The following SPAG6 variants were observed in gnomAD, a reference collection of about 807,000 sequenced individuals.
SPAG6 encodes sperm-associated antigen 6.
A neutral mutation model predicts 58.5 loss-of-function variants in SPAG6; 49 were observed. That is an observed-to-expected ratio of 0.84 (90% CI 0.67 to 1.06). SPAG6 has a LOEUF of 1.06. Ranked by LOEUF, SPAG6 falls within the 50% of genes least tolerant of loss-of-function variation. SPAG6 has a pLI of 0.00. For missense variants in SPAG6, 560 were observed against 611.3 expected, an observed-to-expected ratio of 0.92 and a Z score of 0.89; for synonymous variants, 233 against 225.6, an observed-to-expected ratio of 1.03 and a Z score of -0.29.
At chr10:22,355,103 T>C (rs1201796464) in intron 2 of SPAG6, among the ~76,000 whole-genome samples, 1 of 152,074 alleles carries the variant, frequency 6.6e-6, no homozygotes, top group Admixed American at 6.5e-5. Flanking sequence ...GTAGAAATAA[T>C]GTGAATTCAA....
intron 2 of SPAG6, among the ~76,000 whole-genome samples, chr10:22,361,926 A>G (rs1161931588): frequency 6.7e-6 from 1 of 150,242 alleles, no homozygotes; most frequent in African/African-American, 2.4e-5. Context: ...ATAATTCAAT[A>G]TGAAAAATTT....
intron 6 of SPAG6, among the ~76,000 whole-genome samples, chr10:22,388,204 C>G (rs1024996790): frequency 4.0e-5 from 6 of 151,498 alleles, no homozygotes; most frequent in African/African-American, 1.5e-4. Context: ...TAGCAGGATC[C>G]CTAACCTCTG....
intron 9 of SPAG6, among the ~76,000 whole-genome samples, chr10:22,409,386 C>A (rs538080091): frequency 1.3e-5 from 2 of 152,138 alleles, no homozygotes; most frequent in African/African-American, 2.4e-5. Context: ...GCTCTATTAG[C>A]AAGATCCTTT....
At chr10:22,405,058 G>C (rs1470929088) in intron 9 of SPAG6, among the ~76,000 whole-genome samples, 2 of 152,182 alleles carry the variant, frequency 1.3e-5, no homozygotes, top group Non-Finnish European at 2.9e-5. Context: ...GGGTTTTCTA[G>C]ATATACAATC....
chr10:22,351,374 A>T (rs1836723561), intron 2 of SPAG6, among the ~76,000 whole-genome samples: 1 of 152,174 alleles, frequency 6.6e-6, no homozygotes. Flanking sequence ...TTTGTAATCC[A>T]CTGGAAGTTG....
At chr10:22,387,027 C>T (rs558218991) in intron 5 of SPAG6, 68 bp downstream of exon 5, 248 of 1,182,820 alleles carry the variant, frequency 2.1e-4, no homozygotes, top group Admixed American at 4.0e-4. Flanking sequence ...AATGTGTACA[C>T]GTGAATATTT....
Position 22,346,083 on chromosome 10 carries a change from G to T in SPAG6, c.121+265G>T, listed in dbSNP as rs1308531064. The T allele has an allele frequency of 2.0e-6, 3 of 1,506,770 alleles. No homozygotes were observed. In the South Asian group the frequency reaches 3.6e-5, roughly 18 times the overall value. The allele number at this position is 1,506,770 out of a possible 1,614,324, so 93.3% of individuals were successfully genotyped here. On this transcript the variant is annotated intron_variant, in intron 2 of 10. Transcript: ENST00000376624. ...GTTGAAAGTCGAGGCCCTAGGAATTGCCTGGAGTCATTTTACGTGAATGGG... is the reference window on the plus strand; with the variant it reads ...GTTGAAAGTCGAGGCCCTAGGAATTTCCTGGAGTCATTTTACGTGAATGGG...
In SPAG6 at chr10:22,362,999, T is replaced by C. The variant is rs1421306777; in HGVS notation, c.122-1854T>C. 2.0e-5 allele frequency among the ~76,000 whole-genome samples: 3 copies of C among 152,294 alleles called. No homozygotes were observed. In the East Asian group the frequency reaches 5.8e-4, roughly 29 times the overall value. On this transcript the variant is annotated intron_variant, in intron 2 of 10. Coordinates refer to ENST00000376624, the MANE Select transcript of SPAG6 (RefSeq NM_012443.4). ...AAATTGGAAAATTACAAGTGCTGGT[T>C]AGGATGTGGAAAAATTGGAATCCTC...
chr10:22,372,469 CT>C (rs1833721685), intron 4 of SPAG6, among the ~76,000 whole-genome samples: 1 of 152,172 alleles, frequency 6.6e-6, no homozygotes, highest in East Asian at 1.9e-4. Flanking sequence ...GCTTCCTCAG[CT>C]GATGGCTCAG....
chr10:22,366,930 A>G (rs1837216798), intron 3 of SPAG6, among the ~76,000 whole-genome samples: 1 of 150,704 alleles, frequency 6.6e-6, no homozygotes, highest in East Asian at 1.9e-4. Context: ...TGTCTCCCTC[A>G]CCTCCCAGCC....
chr10:22,366,361 TC>T (rs1837201900), intron 3 of SPAG6, among the ~76,000 whole-genome samples: 1 of 152,044 alleles, frequency 6.6e-6, no homozygotes, highest in Admixed American at 6.6e-5. Context: ...AATATGTAAA[TC>T]CATAGAGACA....
intron 9 of SPAG6, among the ~76,000 whole-genome samples, chr10:22,402,790 A>C (rs1834446076): frequency 6.6e-6 from 1 of 152,194 alleles, no homozygotes; most frequent in Non-Finnish European, 1.5e-5. Flanking sequence ...TTTTTTGTAT[A>C]CTTTTGGGTG....
intron 2 of SPAG6, chr10:22,360,796 C>A: frequency 6.5e-7 from 1 of 1,533,836 alleles, no homozygotes; most frequent in Non-Finnish European, 8.7e-7. Context: ...ATTCAGACTG[C>A]TTTAATTTGT....
intron 10 of SPAG6, chr10:22,412,604 C>G (rs1399428183): frequency 1.4e-6 from 1 of 705,308 alleles, no homozygotes; most frequent in Non-Finnish European, 2.2e-6. Flanking sequence ...ACATATAACA[C>G]TCTGTCTCCA....
intron 4 of SPAG6, among the ~76,000 whole-genome samples, chr10:22,374,695 G>C (rs1833778387): frequency 2.0e-5 from 3 of 151,386 alleles, no homozygotes; most frequent in Non-Finnish European, 4.4e-5. Context: ...AGGATCACTT[G>C]AGCCCAGGAG....
intron 4 of SPAG6, among the ~76,000 whole-genome samples, chr10:22,381,964 C>G (rs929917199): frequency 6.6e-6 from 1 of 152,190 alleles, no homozygotes; most frequent in African/African-American, 2.4e-5. Context: ...ACTGACAGAT[C>G]ACTGCAAGCT....
chr10:22,398,336 G>A (rs1315883635), intron 8 of SPAG6, among the ~76,000 whole-genome samples: 2 of 152,054 alleles, frequency 1.3e-5, no homozygotes, highest in South Asian at 2.1e-4. Context: ...CTCAGGTTAG[G>A]CAATTATTTT....
chr10:22,378,627 C>T lies in SPAG6; in HGVS notation c.473-8127C>T, dbSNP rs551215402. ...AGACCCTCTCTGTAGTTTTGCGTTA[C>T]TCGATTCAGCTTGGTCTCAGCTGTT... On this transcript the variant is annotated intron_variant, in intron 4 of 10. Coordinates refer to ENST00000376624, the MANE Select transcript of SPAG6 (RefSeq NM_012443.4). 3.3e-5 allele frequency among the ~76,000 whole-genome samples: 5 copies of T among 152,228 alleles called. No individual in the cohort carries two copies. The East Asian group carries it at 9.7e-4, about 29-fold the overall frequency.
intron 4 of SPAG6, among the ~76,000 whole-genome samples, chr10:22,381,836 C>T (rs1022508437): frequency 6.6e-6 from 1 of 152,104 alleles, no homozygotes; most frequent in Admixed American, 6.5e-5. Context: ...AAAAGTCCTC[C>T]TTTTAATTTA....
Sources: gnomAD v4.1 joint callset for allele counts (sites outside exome capture counted in the v4.1 genomes callset) on GRCh38, gnomAD v4.1.1 for gene constraint, MANE v1.5 for transcripts, NCBI Gene and HGNC (gene_info 2026-07-23, HGNC 2026-07-21) for gene names.